The following DPP8 variants were observed in gnomAD, a reference collection of about 807,000 sequenced individuals.
DPP8 encodes dipeptidyl peptidase 8, also known as DPP VIII.
Under a neutral mutation model 107.5 loss-of-function variants are expected in DPP8, and 31 were observed. That is an observed-to-expected ratio of 0.29 (90% CI 0.22 to 0.39). DPP8 has a LOEUF of 0.39. DPP8 is among the 10% of genes least tolerant of loss of function. DPP8 has a pLI of 1.00. For missense variants in DPP8, 842 were observed against 1,076.1 expected, an observed-to-expected ratio of 0.78 and a Z score of 3.04; for synonymous variants, 381 against 356.6, an observed-to-expected ratio of 1.07 and a Z score of -0.77.
At chr15:65,516,476 A>AT (rs2071454839) in intron 1 of DPP8, 2 of 151,918 alleles carry the variant, frequency 1.3e-5, no homozygotes, top group African/African-American at 4.8e-5. Flanking sequence ...CTGTTACTCT[A>AT]TAAGTTTTAA....
intron 5 of DPP8, among the ~76,000 whole-genome samples, chr15:65,495,467 G>A (rs1448958738): frequency 6.6e-6 from 1 of 151,790 alleles, no homozygotes; most frequent in Non-Finnish European, 1.5e-5. Flanking sequence ...AACCAGGTGT[G>A]GTGGTGTGCA....
intron 2 of DPP8, among the ~76,000 whole-genome samples, chr15:65,510,257 A>G (rs1301159772): frequency 6.6e-6 from 1 of 152,178 alleles, no homozygotes. Flanking sequence ...TCAAGGATGC[A>G]GTGAACCAAG....
intron 15 of DPP8, among the ~76,000 whole-genome samples, chr15:65,463,277 G>A (rs1293491272): frequency 5.3e-5 from 8 of 152,246 alleles, no homozygotes; most frequent in South Asian, 2.1e-4. Flanking sequence ...GGTGGCTCAC[G>A]CCTGTAATCC....
At position 65,480,413 on chromosome 15, in the gene DPP8, T is replaced by C; in HGVS notation, c.1119-14A>G. 2 of 1,585,264 alleles carry C rather than the reference T, an allele frequency of 1.3e-6. No homozygotes were observed. The highest frequency in any genetic ancestry group is 1.1e-5 in the South Asian group (1 of 87,870). ...ATGGACCAAGCACTATTTAAATAAA[T>C]AAAAGAGAAGAACCAGAAATAAAGC... is the stretch of plus-strand genomic sequence containing the variant. On this transcript the variant is annotated splice_polypyrimidine_tract_variant and intron_variant, in intron 9 of 19. Coordinates refer to ENST00000300141, the MANE Select transcript of DPP8 (RefSeq NM_130434.5).
chr15:65,475,312 G>A, intron 11 of DPP8: 1 of 867,822 alleles, frequency 1.2e-6, no homozygotes, highest in Admixed American at 1.8e-5. Context: ...GTAGGTGGAA[G>A]TTGGGTCAGC....
At chr15:65,462,682 C>T (rs1166747628) in intron 15 of DPP8, among the ~76,000 whole-genome samples, 2 of 151,692 alleles carry the variant, frequency 1.3e-5, no homozygotes, top group Admixed American at 1.3e-4. Flanking sequence ...CTGGTTCAAG[C>T]GATTCTCCTG....
intron 17 of DPP8, among the ~76,000 whole-genome samples, chr15:65,452,515 A>T (rs1357392278): frequency 2.6e-5 from 4 of 151,974 alleles, no homozygotes; most frequent in Non-Finnish European, 4.4e-5. Flanking sequence ...TATACTAAAA[A>T]TTTGCCTGTC....
chr15:65,497,789 T>C (rs1596073842), intron 5 of DPP8, 75 bp downstream of exon 5: 4 of 1,215,046 alleles, frequency 3.3e-6, no homozygotes, highest in East Asian at 5.1e-5. Flanking sequence ...GGTAATCTAA[T>C]TTCAAAATGC....
At chr15:65,493,749 C>A (rs2068277832) in intron 5 of DPP8, among the ~76,000 whole-genome samples, 1 of 152,120 alleles carries the variant, frequency 6.6e-6, no homozygotes, top group Admixed American at 6.6e-5. Context: ...CTCATTGTCT[C>A]AGTAAGTCAT....
intron 17 of DPP8, among the ~76,000 whole-genome samples, chr15:65,453,894 G>A (rs1408803008): frequency 1.3e-5 from 2 of 152,028 alleles, no homozygotes; most frequent in Admixed American, 1.3e-4. Flanking sequence ...GATCTCTTGA[G>A]GTCAGGAGTT....
intron 15 of DPP8, among the ~76,000 whole-genome samples, chr15:65,461,345 G>T (rs2064904323): frequency 6.6e-6 from 1 of 151,994 alleles, no homozygotes; most frequent in African/African-American, 2.4e-5. Context: ...GTCTCACTTT[G>T]TTGCTCAGGC....
chr15:65,458,814 T>C (rs1005727075), intron 15 of DPP8: 1 of 152,150 alleles, frequency 6.6e-6, no homozygotes, highest in Non-Finnish European at 1.5e-5. Flanking sequence ...ATGAACATCA[T>C]ACTCTTAAAA....
intron 14 of DPP8, among the ~76,000 whole-genome samples, chr15:65,465,567 T>A (rs1293838007): frequency 6.9e-6 from 1 of 145,224 alleles, no homozygotes; most frequent in Admixed American, 6.7e-5. Flanking sequence ...AACCAGTCCA[T>A]TCTTTTTTTT....
chr15:65,478,859 A>T lies in DPP8; in HGVS notation c.1456+21T>A, dbSNP rs773357196. ...TGCTTCCAACATTTTTTCTTTTTTTAAAATAAAATGGATTTCTTACTTGGA... is the reference window on the plus strand; with the variant it reads ...TGCTTCCAACATTTTTTCTTTTTTTTAAATAAAATGGATTTCTTACTTGGA... On this transcript the variant is annotated intron_variant, in intron 11 of 19. Coordinates refer to ENST00000300141, the MANE Select transcript of DPP8 (RefSeq NM_130434.5). 5.8e-5 allele frequency: 89 copies of T among 1,539,376 alleles called. 1 individual carries two copies. In the South Asian group the frequency reaches 1.0e-3, roughly 18 times the overall value.
intron 8 of DPP8, among the ~76,000 whole-genome samples, chr15:65,482,873 A>T (rs2067058031): frequency 6.7e-6 from 1 of 150,264 alleles, no homozygotes; most frequent in African/African-American, 2.4e-5. Context: ...GAGGCGGGCA[A>T]ATCACAAGGT....
chr15:65,462,401 G>T (rs1464936922), intron 15 of DPP8, among the ~76,000 whole-genome samples: 1 of 152,044 alleles, frequency 6.6e-6, no homozygotes, highest in African/African-American at 2.4e-5. Context: ...GTACAATTTG[G>T]TATGTAGATA....
In DPP8 at chr15:65,512,506, T is replaced by G; in HGVS notation, c.48A>C (p.Glu16Asp). 1.2e-6 allele frequency: 2 copies of G among 1,614,168 alleles called. No homozygotes were observed. Among genetic ancestry groups the G allele is most frequent in the Non-Finnish European group, 8.5e-7 (1 of 1,180,036 alleles). Residue 16 changes from glutamate (E) to aspartate (D), a missense_variant, in exon 2 of 20, where the codon GAA (glutamate) becomes GAC (aspartate). Transcript: ENST00000300141. ...ETEQLGVEIF[E>D]TADCEENIES... ...CAATATTCTCCTCACAGTCCGCAGT[T>G]TCAAATATCTCAACACCCAGCTGTT...
intron 12 of DPP8, 39 bp from the exon 13 acceptor site, chr15:65,467,262 T>C (rs1434259463): frequency 5.0e-6 from 8 of 1,606,226 alleles, no homozygotes; most frequent in Admixed American, 1.7e-5. Flanking sequence ...AGGGCTAACA[T>C]GACCTTGGCA....
At chr15:65,464,319 C>T (rs187720090) in intron 14 of DPP8, among the ~76,000 whole-genome samples, 38 of 151,788 alleles carry the variant, frequency 2.5e-4, no homozygotes, top group African/African-American at 8.7e-4. Flanking sequence ...GCTGAGATCA[C>T]GCCACTGCAC....
Sources: gnomAD v4.1 joint callset for allele counts (sites outside exome capture counted in the v4.1 genomes callset) on GRCh38, gnomAD v4.1.1 for gene constraint, MANE v1.5 for transcripts, NCBI Gene and HGNC (gene_info 2026-07-23, HGNC 2026-07-21) for gene names.